DMD: variants seen among roughly 807,000 people sequenced by gnomAD.
DMD encodes the protein dystrophin.
DMD carries 63 observed loss-of-function variants against 330.1 expected under a neutral mutation model. The observed-to-expected ratio is 0.19, with a 90% CI of 0.16 to 0.24. The LOEUF (loss-of-function observed/expected upper bound fraction) is 0.24, where lower values mean the gene tolerates loss of function less well. DMD is among the 10% of genes least tolerant of loss of function. The pLI is 1.00. For synonymous variants in DMD, 1,223 were observed against 959.8 expected, an observed-to-expected ratio of 1.27 and a Z score of -5.07; for missense variants, 3,344 against 2,684.1, an observed-to-expected ratio of 1.25 and a Z score of -5.43.
At chrX:32,728,255 C>T (rs769853953) in intron 7 of DMD, among the ~76,000 whole-genome samples, 49 of 111,457 alleles carry the variant, frequency 4.4e-4, no homozygotes, top group Non-Finnish European at 7.0e-4. Context: ...CCAGACACTC[C>T]AGAGTAACAT....
chrX:32,698,920 A>G (rs1205611218), intron 8 of DMD, among the ~76,000 whole-genome samples, 192 bp downstream of exon 8: 1 of 110,557 alleles, frequency 9.0e-6, no homozygotes, highest in African/African-American at 3.3e-5. Context: ...ATGTTTTGAA[A>G]TGAATATTGT....
intron 12 of DMD, among the ~76,000 whole-genome samples, chrX:32,602,019 C>T (rs1289995990): frequency 8.9e-6 from 1 of 111,753 alleles, no homozygotes; most frequent in Non-Finnish European, 1.9e-5. Flanking sequence ...TAATAGACAT[C>T]ATAAGTGCAG....
Position 33,286,641 on chromosome X carries a change from T to G in DMD, c.7+52618A>C, listed in dbSNP as rs544334632. Among the ~76,000 whole-genome samples, 7 of 112,184 alleles carry G rather than the reference T, an allele frequency of 6.2e-5. No homozygotes were observed. In the South Asian group the frequency reaches 2.6e-3, roughly 41 times the overall value. On this transcript the variant is annotated intron_variant, in intron 1 of 17. Transcript: ENST00000288447. ...CATAAACAATACATAATGTTGTTGT[T>G]GTGTATGTATGTGTGTATGTTCTTT...
At chrX:31,262,559 T>G (rs1484710041) in intron 62 of DMD, among the ~76,000 whole-genome samples, 1 of 112,625 alleles carries the variant, frequency 8.9e-6, no homozygotes, top group Non-Finnish European at 1.9e-5. Flanking sequence ...AAATGTTCAC[T>G]TGTGAAGTGC....
At chrX:31,602,423 G>A (rs947973126) in intron 55 of DMD, among the ~76,000 whole-genome samples, 3 of 108,072 alleles carry the variant, frequency 2.8e-5, no homozygotes, top group African/African-American at 1.0e-4. Context: ...AAGAACAGTT[G>A]TATAATTTTT....
intron 19 of DMD, among the ~76,000 whole-genome samples, chrX:32,494,609 T>A (rs1046373562): frequency 9.0e-6 from 1 of 111,045 alleles, no homozygotes; most frequent in Non-Finnish European, 1.9e-5. Context: ...CATATATAAC[T>A]TACTTATAAC....
chrX:31,363,684 T>C (rs1434301305), intron 60 of DMD, among the ~76,000 whole-genome samples: 1 of 112,177 alleles, frequency 8.9e-6, no homozygotes, highest in Non-Finnish European at 1.9e-5. Context: ...GGCCAAGACA[T>C]GTATCTTTAT....
chrX:31,382,334 AG>A (rs1457321568), intron 60 of DMD, among the ~76,000 whole-genome samples: 1 of 111,079 alleles, frequency 9.0e-6, no homozygotes, highest in African/African-American at 3.3e-5. Context: ...AGACCAACTT[AG>A]ACTGCACCCC....
At chrX:31,797,548 T>C (rs1299146480) in intron 50 of DMD, among the ~76,000 whole-genome samples, 1 of 112,101 alleles carries the variant, frequency 8.9e-6, no homozygotes, top group Admixed American at 9.5e-5. Flanking sequence ...AAAAAACAAT[T>C]ATATTTACCA....
intron 73 of DMD, among the ~76,000 whole-genome samples, chrX:31,170,412 A>G (rs765773672): frequency 6.3e-5 from 7 of 111,193 alleles, no homozygotes; most frequent in Non-Finnish European, 1.1e-4. Context: ...TCTAATACAC[A>G]GGACAAACTT....
In DMD at chrX:32,485,974, C is replaced by A. The variant is rs763084784; in HGVS notation, c.2623-875G>T. On this transcript the variant is annotated intron_variant, in intron 20 of 78. Transcript: ENST00000357033. ...GCCAGGCTGGTCTCAAACTGCTGAC[C>A]TCATGATCCACCCACCTTGGCCTCC... 1.2e-4 allele frequency among the ~76,000 whole-genome samples: 13 copies of A among 109,509 alleles called. No individual in the cohort carries two copies. The South Asian group carries it at 5.1e-3, about 43-fold the overall frequency.
intron 33 of DMD, 38 bp from the exon 34 acceptor site, chrX:32,380,718 C>T: frequency 8.7e-7 from 1 of 1,149,194 alleles, no homozygotes; most frequent in Non-Finnish European, 1.2e-6. Flanking sequence ...TTAGTTTACT[C>T]TTTAATTCAA....
At chrX:32,205,991 T>A (rs1319244882) in intron 44 of DMD, 1 of 462,283 alleles carries the variant, frequency 2.2e-6, no homozygotes, top group African/African-American at 2.4e-5. Context: ...AGGTGGATAA[T>A]AATGAAATTG....
intron 44 of DMD, among the ~76,000 whole-genome samples, chrX:32,121,441 C>G (rs926344474): frequency 6.6e-5 from 7 of 106,167 alleles, no homozygotes; most frequent in African/African-American, 2.4e-4. Context: ...GTGGCACTGG[C>G]CCCTGACCTC....
chrX:32,909,717 G>C (rs1489108744), intron 2 of DMD, among the ~76,000 whole-genome samples: 4 of 111,986 alleles, frequency 3.6e-5, no homozygotes, highest in Non-Finnish European at 7.5e-5. Flanking sequence ...TCAATCAGTA[G>C]ATAAGCTTGG....
At chrX:32,468,940 A>T (rs2148462614) in intron 22 of DMD, among the ~76,000 whole-genome samples, 1 of 110,896 alleles carries the variant, frequency 9.0e-6, no homozygotes, top group East Asian at 2.8e-4. Context: ...TTTTCTGAAC[A>T]ATGTCAAATA....
At chrX:32,122,945 C>A (rs994545070) in intron 44 of DMD, among the ~76,000 whole-genome samples, 1 of 108,497 alleles carries the variant, frequency 9.2e-6, no homozygotes, top group African/African-American at 3.4e-5. Flanking sequence ...CAGACTTCAC[C>A]CCTTAATCGG....
rs182783497 is a variant in DMD, at chrX:31,660,239, C to A, written c.7873-2095G>T. ...AATTAACATTTATCCGCGTGGAATG[C>A]CTGCCTTTTCTTCCATACTCCTTTT... On this transcript the variant is annotated intron_variant, in intron 53 of 78. Transcript: ENST00000357033. 2.7e-5 allele frequency among the ~76,000 whole-genome samples: 3 copies of A among 112,051 alleles called. No individual in the cohort carries two copies. The Admixed American group carries it at 2.8e-4, about 11-fold the overall frequency.
intron 2 of DMD, among the ~76,000 whole-genome samples, chrX:32,960,959 T>C (rs890843393): frequency 1.9e-5 from 2 of 107,562 alleles, no homozygotes; most frequent in Non-Finnish European, 3.8e-5. Flanking sequence ...AACGAAGTAC[T>C]GCATGATTAC....
Sources: allele counts gnomAD v4.1 joint callset (sites outside exome capture counted in the v4.1 genomes callset), GRCh38; gene constraint gnomAD v4.1.1; transcripts MANE v1.5; gene names NCBI Gene and HGNC (gene_info 2026-07-23, HGNC 2026-07-21).